The following LRRC18 variants were observed in gnomAD, a reference collection of about 807,000 sequenced individuals.
The protein encoded by LRRC18 is leucine rich repeat containing 18, also known as leucine-rich repeat-containing protein 18.
Under a neutral mutation model 11.2 loss-of-function variants are expected in LRRC18, and 12 were observed. The observed-to-expected ratio is 1.07, with a 90% CI of 0.69 to 1.74. The LOEUF (loss-of-function observed/expected upper bound fraction) is 1.74. LRRC18 is among the 40% of genes most tolerant of loss of function. LRRC18 has a pLI of 0.00. For synonymous variants in LRRC18, 155 were observed against 130.6 expected, an observed-to-expected ratio of 1.19 and a Z score of -1.27; for missense variants, 374 against 330.5, an observed-to-expected ratio of 1.13 and a Z score of -1.02.
upstream of LRRC18, among the ~76,000 whole-genome samples, chr10:48,917,074 C>A (rs1838617605): frequency 6.6e-6 from 1 of 152,158 alleles, no homozygotes; most frequent in African/African-American, 2.4e-5. Flanking sequence ...AGTACAGTAA[C>A]ATGCTGTACA....
the LRRC18 span, among the ~76,000 whole-genome samples, chr10:48,921,769 A>G: frequency 1.3e-5 from 2 of 152,204 alleles, no homozygotes; most frequent in Non-Finnish European, 2.9e-5. Flanking sequence ...AGAATATTTA[A>G]AGATACATTT....
intron 1 of LRRC18, chr10:48,910,941 T>C (rs1477231390): frequency 2.0e-6 from 2 of 982,854 alleles, no homozygotes; most frequent in Non-Finnish European, 2.4e-6. Flanking sequence ...ACCTTTTGAA[T>C]ACCTAAGGAG....
At chr10:48,910,176 T>C in exon 2 of LRRC18, 1 of 1,433,914 alleles carries the variant, frequency 7.0e-7, no homozygotes, top group East Asian at 2.3e-5. Context: ...TGGGGGCTTC[T>C]CCTCTTCAGA....
the LRRC18 span, among the ~76,000 whole-genome samples, chr10:48,928,778 C>T: frequency 6.6e-6 from 1 of 152,202 alleles, no homozygotes; most frequent in Non-Finnish European, 1.5e-5. Context: ...GACCGCCTAT[C>T]ACCTGGGAAG....
exon 1 of LRRC18, chr10:48,913,861 G>A (rs1157565236): frequency 6.2e-7 from 1 of 1,614,126 alleles, no homozygotes; most frequent in Admixed American, 1.7e-5. Context: ...TTGAGGTAGA[G>A]CAGGCTGGTC....
the LRRC18 span, among the ~76,000 whole-genome samples, chr10:48,922,818 T>C: frequency 6.6e-6 from 1 of 152,222 alleles, no homozygotes; most frequent in Admixed American, 6.5e-5. Flanking sequence ...ATTCCATTTA[T>C]GTCACCTTCT....
chr10:48,929,507 C>A, the LRRC18 span, among the ~76,000 whole-genome samples: 1 of 152,142 alleles, frequency 6.6e-6, no homozygotes, highest in Admixed American at 6.5e-5. Flanking sequence ...CTGCCACGTG[C>A]CCCCTGAGGT....
At chr10:48,913,258 AAGG>A in intron 1 of LRRC18, 131 bp downstream of exon 3, 1 of 800,950 alleles carries the variant, frequency 1.2e-6, no homozygotes. Context: ...AAAGTAAGGA[AAGG>A]AGTTTTATGG....
the LRRC18 span, among the ~76,000 whole-genome samples, chr10:48,921,589 CAATT>C: frequency 3.2e-5 from 3 of 93,330 alleles, no homozygotes; most frequent in Admixed American, 1.4e-4. Flanking sequence ...AAGTTGAACA[CAATT>C]AAAAGCTCTG....
the LRRC18 span, among the ~76,000 whole-genome samples, chr10:48,938,617 G>A: frequency 6.6e-6 from 1 of 152,226 alleles, no homozygotes; most frequent in Non-Finnish European, 1.5e-5. Flanking sequence ...GTCAAAGCAG[G>A]ACTATGGGGC....
chr10:48,912,480 C>A (rs1303715509), intron 1 of LRRC18, among the ~76,000 whole-genome samples: 1 of 152,216 alleles, frequency 6.6e-6, no homozygotes. Flanking sequence ...CTTTGCCAGG[C>A]CAGCCCTGCA....
upstream of LRRC18, among the ~76,000 whole-genome samples, chr10:48,917,393 C>G (rs77348896): frequency 6.5e-3 from 985 of 152,244 alleles, 13 homozygotes; most frequent in African/African-American, 0.022. Context: ...ATTACAAACA[C>G]AGGAAGGAAG....
the LRRC18 span, among the ~76,000 whole-genome samples, chr10:48,933,195 A>C: frequency 8.5e-5 from 13 of 152,308 alleles, no homozygotes; most frequent in Non-Finnish European, 1.5e-4. Flanking sequence ...TGGACCAGGC[A>C]ACGAGAAAAC....
intron 1 of LRRC18, 71 bp from the exon 4 acceptor site, chr10:48,910,329 G>T: frequency 7.3e-7 from 1 of 1,362,230 alleles, no homozygotes; most frequent in Non-Finnish European, 1.1e-6. Flanking sequence ...AAGGGCAGAG[G>T]TCACACCAGC....
intron 1 of LRRC18, 92 bp from the exon 4 acceptor site, chr10:48,910,350 C>T: frequency 9.1e-7 from 1 of 1,096,140 alleles, no homozygotes; most frequent in Non-Finnish European, 1.4e-6. Context: ...TCACCAAGGT[C>T]ATGCCTGACC....
chr10:48,929,400 T>G, the LRRC18 span, among the ~76,000 whole-genome samples: 1 of 152,166 alleles, frequency 6.6e-6, no homozygotes, highest in Non-Finnish European at 1.5e-5. Flanking sequence ...TATTGTGTCC[T>G]GGACTCCATA....
the LRRC18 span, among the ~76,000 whole-genome samples, chr10:48,933,317 T>C: frequency 6.6e-6 from 1 of 152,114 alleles, no homozygotes; most frequent in Non-Finnish European, 1.5e-5. Flanking sequence ...TTTAATCTAG[T>C]CACTCCACTT....
chr10:48,909,485 T>C (rs1837812698), exon 2 of LRRC18: 1 of 148,146 alleles, frequency 6.8e-6, no homozygotes. Context: ...CTAGGTAATT[T>C]ATAAAGAAAA....
chr10:48,937,872 G>A, the LRRC18 span, among the ~76,000 whole-genome samples: 14 of 152,158 alleles, frequency 9.2e-5, 1 homozygote, highest in East Asian at 5.8e-4. Context: ...AATGGGGAGA[G>A]AGGGAGTGTG....
Sources: gnomAD v4.1 joint callset for allele counts (sites outside exome capture counted in the v4.1 genomes callset) on GRCh38, gnomAD v4.1.1 for gene constraint, MANE v1.5 for transcripts, NCBI Gene and HGNC (gene_info 2026-07-23, HGNC 2026-07-21) for gene names.